Variants in KIAA1328 observed in about 807,000 individuals in gnomAD.
The protein encoded by KIAA1328 is KIAA1328.
A neutral mutation model predicts 68.1 loss-of-function variants in KIAA1328; 52 were observed. That is an observed-to-expected ratio of 0.76 (90% CI 0.61 to 0.96). The LOEUF (loss-of-function observed/expected upper bound fraction) is 0.96. Ranked by LOEUF, KIAA1328 falls within the 40% of genes least tolerant of loss-of-function variation. The probability of loss-of-function intolerance (pLI) is 0.00; values close to 1 mark genes in which losing one functional copy is unlikely to be tolerated. For missense variants in KIAA1328, 641 were observed against 677.6 expected (o/e 0.95, Z 0.60); for synonymous variants, 232 against 239.4 (o/e 0.97, Z 0.28).
At chr18:37,189,351 G>T (rs2059861721) in intron 9 of KIAA1328, among the ~76,000 whole-genome samples, 1 of 152,132 alleles carries the variant, frequency 6.6e-6, no homozygotes, top group Non-Finnish European at 1.5e-5. Flanking sequence ...GGGAAAAAAA[G>T]TCAGACCTTA....
At chr18:37,091,026 C>T (rs1265731761) in intron 7 of KIAA1328, among the ~76,000 whole-genome samples, 1 of 152,094 alleles carries the variant, frequency 6.6e-6, no homozygotes, top group East Asian at 1.9e-4. Flanking sequence ...TAGACGTTCT[C>T]TTGAATCAAT....
intron 7 of KIAA1328, among the ~76,000 whole-genome samples, chr18:37,116,283 A>C (rs1418668564): frequency 1.3e-5 from 2 of 152,222 alleles, no homozygotes; most frequent in East Asian, 3.8e-4. Flanking sequence ...ACAGTAACCA[A>C]AACAGCATGG....
At chr18:37,051,983 A>C (rs1308617779) in intron 6 of KIAA1328, among the ~76,000 whole-genome samples, 1 of 151,750 alleles carries the variant, frequency 6.6e-6, no homozygotes, top group African/African-American at 2.4e-5. Flanking sequence ...TGGAGGTTGC[A>C]GTGAGCCAAG....
At chr18:36,900,437 T>C (rs1259324826) in intron 5 of KIAA1328, among the ~76,000 whole-genome samples, 8 of 152,084 alleles carry the variant, frequency 5.3e-5, no homozygotes, top group South Asian at 2.1e-4. Flanking sequence ...TGGTAATTGA[T>C]GGAGTTGCAG....
At chr18:36,885,214 G>A (rs1211470575) in intron 4 of KIAA1328, among the ~76,000 whole-genome samples, 2 of 151,726 alleles carry the variant, frequency 1.3e-5, no homozygotes, top group African/African-American at 4.8e-5. Flanking sequence ...TACCTGTTTT[G>A]GTAACAAAAA....
At chr18:37,154,728 C>A (rs1345864620) in intron 7 of KIAA1328, among the ~76,000 whole-genome samples, 1 of 152,196 alleles carries the variant, frequency 6.6e-6, no homozygotes, top group African/African-American at 2.4e-5. Context: ...GCCATCCCAG[C>A]CTCTTTCTTT....
intron 9 of KIAA1328, among the ~76,000 whole-genome samples, chr18:37,197,324 C>G (rs1045483013): frequency 6.6e-6 from 1 of 151,680 alleles, no homozygotes; most frequent in Non-Finnish European, 1.5e-5. Flanking sequence ...TTTATTTCTG[C>G]TCGGACCTTA....
At chr18:37,052,299 A>C (rs1307460861) in intron 6 of KIAA1328, among the ~76,000 whole-genome samples, 3 of 152,214 alleles carry the variant, frequency 2.0e-5, no homozygotes, top group African/African-American at 7.2e-5. Context: ...ACATCTCTTC[A>C]TGATAAAAAC....
At chr18:37,229,162 G>A (rs1175829865), downstream of KIAA1328, among the ~76,000 whole-genome samples, 1 of 152,192 alleles carries the variant, frequency 6.6e-6, no homozygotes, top group Non-Finnish European at 1.5e-5. Flanking sequence ...CCCAGACCGT[G>A]TGGGAGGAGG....
intron 4 of KIAA1328, among the ~76,000 whole-genome samples, chr18:36,855,765 C>T (rs1234966600): frequency 6.6e-6 from 1 of 151,214 alleles, no homozygotes; most frequent in Non-Finnish European, 1.5e-5. Flanking sequence ...GTGTTTTCTT[C>T]TGTTTTAACT....
At chr18:36,970,316 A>C (rs2052135303) in intron 6 of KIAA1328, among the ~76,000 whole-genome samples, 1 of 152,230 alleles carries the variant, frequency 6.6e-6, no homozygotes, top group Non-Finnish European at 1.5e-5. Flanking sequence ...CAAAATAATA[A>C]GAGCTATTTA....
chr18:36,858,362 T>G (rs748343004), intron 4 of KIAA1328, among the ~76,000 whole-genome samples: 20 of 152,186 alleles, frequency 1.3e-4, no homozygotes, highest in Middle Eastern at 3.2e-3. Context: ...ATTTTTTTCT[T>G]TAAGCATTTT....
intron 7 of KIAA1328, among the ~76,000 whole-genome samples, chr18:37,148,077 A>G (rs2058944438): frequency 6.6e-6 from 1 of 152,080 alleles, no homozygotes; most frequent in Non-Finnish European, 1.5e-5. Context: ...CCCATCGCAT[A>G]GACATTAAGC....
chr18:37,078,476 A>G (rs1240649450), intron 7 of KIAA1328, among the ~76,000 whole-genome samples: 1 of 151,078 alleles, frequency 6.6e-6, no homozygotes, highest in African/African-American at 2.4e-5. Context: ...AAAATTGACA[A>G]ATGGGATCTA....
chr18:37,067,451 G>C lies in KIAA1328; in HGVS notation c.1138G>C (p.Glu380Gln). 1 of 1,578,076 alleles carries C rather than the reference G, an allele frequency of 6.3e-7. No homozygotes were observed. Among genetic ancestry groups the C allele is most frequent in the Non-Finnish European group, 8.6e-7 (1 of 1,162,134 alleles). The change falls in exon 7 of 10, where the codon GAA becomes CAA. Residue 380 changes from glutamate to glutamine, a missense_variant. Coordinates refer to ENST00000280020, the MANE Select transcript of KIAA1328 (RefSeq NM_020776.3). ...GCTTCAGAAAATGGAACTGGAAATT[G>C]AAAAGGAGCGCCTTCAGCATCTGCT... Reference protein sequence around the residue: ...LMLQKMELEIEKERLQHLLAQ... With the variant: ...LMLQKMELEIQKERLQHLLAQ...
chr18:37,111,422 T>G lies in KIAA1328; in HGVS notation c.1232+43877T>G, dbSNP rs2057926660. On this transcript the variant is annotated intron_variant, in intron 7 of 9. Transcript: ENST00000280020. ...TTAGATTAGTGTTTGATTGGGTAAC[T>G]GGGAACTTTAGTCCAGCCAAGTTGA... is the stretch of plus-strand genomic sequence containing the variant. 1.3e-5 allele frequency among the ~76,000 whole-genome samples: 2 copies of G among 152,218 alleles called. 1 individual carries two copies. Among genetic ancestry groups the G allele is most frequent in the South Asian group, 4.1e-4 (2 of 4,836 alleles).
chr18:37,126,105 C>T (rs1000038458), intron 7 of KIAA1328, among the ~76,000 whole-genome samples: 1 of 152,126 alleles, frequency 6.6e-6, no homozygotes, highest in Non-Finnish European at 1.5e-5. Context: ...TCAGTGTGCA[C>T]AAATTTTGTT....
intron 9 of KIAA1328, among the ~76,000 whole-genome samples, chr18:37,215,515 A>C (rs2060412224): frequency 6.6e-6 from 1 of 152,186 alleles, no homozygotes; most frequent in Non-Finnish European, 1.5e-5. Context: ...ATCGTGGTGG[A>C]TAAGCTTTTT....
At chr18:36,976,344 CTG>C (rs2052470917) in intron 6 of KIAA1328, among the ~76,000 whole-genome samples, 1 of 152,072 alleles carries the variant, frequency 6.6e-6, no homozygotes, top group Non-Finnish European at 1.5e-5. Flanking sequence ...CAGGTGAGAT[CTG>C]TGTTTTTCAG....
Sources: allele counts gnomAD v4.1 joint callset (sites outside exome capture counted in the v4.1 genomes callset), GRCh38; gene constraint gnomAD v4.1.1; transcripts MANE v1.5; gene names NCBI Gene and HGNC (gene_info 2026-07-23, HGNC 2026-07-21).